Variants in ZCCHC7 observed in about 807,000 individuals in gnomAD.
The protein encoded by ZCCHC7 is zinc finger CCHC-type containing 7.
Under a neutral mutation model 52.0 loss-of-function variants are expected in ZCCHC7, and 35 were observed. The ratio of observed to expected loss-of-function variants is 0.67; its 90% CI spans 0.51 to 0.89. The LOEUF (loss-of-function observed/expected upper bound fraction) is 0.89. Among genes scored for constraint, ZCCHC7 ranks in the 40% least tolerant of loss-of-function variants. ZCCHC7 has a pLI of 0.00. For missense variants in ZCCHC7, 574 were observed against 649.1 expected (o/e 0.88, Z 1.26); for synonymous variants, 217 against 221.5 (o/e 0.98, Z 0.18).
At chr9:37,207,631 C>T (rs1311701848) in intron 2 of ZCCHC7, among the ~76,000 whole-genome samples, 7 of 149,428 alleles carry the variant, frequency 4.7e-5, no homozygotes, top group African/African-American at 1.5e-4. Context: ...TTATGATGCT[C>T]TGTTTAAAAC....
chr9:37,205,547 C>T (rs547613528), intron 2 of ZCCHC7, among the ~76,000 whole-genome samples: 11 of 152,186 alleles, frequency 7.2e-5, no homozygotes, highest in South Asian at 4.1e-4. Context: ...GACGGAGTCT[C>T]GCTCAGTCGC....
At chr9:37,193,835 C>T (rs1823144514) in intron 2 of ZCCHC7, among the ~76,000 whole-genome samples, 1 of 152,142 alleles carries the variant, frequency 6.6e-6, no homozygotes, top group African/African-American at 2.4e-5. Flanking sequence ...TTTCTTTCTC[C>T]CTCTTTCCTA....
rs192510900 is a variant in ZCCHC7, at chr9:37,122,902, A to C, written c.-22+2279A>C. Among the ~76,000 whole-genome samples, 61 of 152,332 alleles carry C rather than the reference A, an allele frequency of 4.0e-4. No individual in the cohort carries two copies. The East Asian group carries it at 0.011, about 27-fold the overall frequency. ...CAGTGAGCCGAGATTGCGCCACTGC[A>C]CTCTCACCTGGGGGACAGAACGAGA... On this transcript the variant is annotated intron_variant, in intron 1 of 8. Coordinates refer to ENST00000336755, the MANE Select transcript of ZCCHC7 (RefSeq NM_032226.3).
chr9:37,252,087 T>C (rs976999669), intron 2 of ZCCHC7, among the ~76,000 whole-genome samples: 1 of 152,196 alleles, frequency 6.6e-6, no homozygotes, highest in African/African-American at 2.4e-5. Context: ...TATGGTTTGG[T>C]ATAAACTATA....
At chr9:37,148,352 G>A (rs1843532177) in intron 2 of ZCCHC7, among the ~76,000 whole-genome samples, 1 of 152,086 alleles carries the variant, frequency 6.6e-6, no homozygotes, top group Non-Finnish European at 1.5e-5. Context: ...GTCATGGGGT[G>A]CAGGAGAGGA....
chr9:37,202,732 T>C (rs1823701917), intron 2 of ZCCHC7, among the ~76,000 whole-genome samples: 2 of 152,246 alleles, frequency 1.3e-5, no homozygotes, highest in African/African-American at 4.8e-5. Flanking sequence ...TCCTCCTGCC[T>C]TGGCCTTCCA....
chr9:37,190,861 A>C (rs1822980992), intron 2 of ZCCHC7, among the ~76,000 whole-genome samples: 2 of 152,086 alleles, frequency 1.3e-5, no homozygotes. Context: ...TCTACTAAAA[A>C]AAAATACCAA....
At chr9:37,267,770 C>T (rs983795843) in intron 2 of ZCCHC7, among the ~76,000 whole-genome samples, 6 of 151,888 alleles carry the variant, frequency 4.0e-5, no homozygotes, top group Non-Finnish European at 5.9e-5. Context: ...GGGGTTTCAC[C>T]GTGTTAGCCA....
intron 6 of ZCCHC7, among the ~76,000 whole-genome samples, chr9:37,338,975 G>C (rs887115756): frequency 6.6e-6 from 1 of 152,102 alleles, no homozygotes; most frequent in African/African-American, 2.4e-5. Context: ...CATAATACAT[G>C]TTTCAAAAAT....
chr9:37,209,335 T>G (rs979704652), intron 2 of ZCCHC7, among the ~76,000 whole-genome samples: 1 of 152,126 alleles, frequency 6.6e-6, no homozygotes, highest in Non-Finnish European at 1.5e-5. Context: ...CCACCACGCC[T>G]GGCCATTTTT....
Position 37,357,361 on chromosome 9 carries a change from T to C in ZCCHC7, c.*93T>C. On this transcript the variant is annotated 3_prime_UTR_variant, in exon 9 of 9. Transcript: ENST00000336755. ...ACTGTGTTTATTATCTATGATTAAA[T>C]AAAGTGAGTTTTTGGTTTTGTTTTT... 1 of 1,258,630 alleles carries C rather than the reference T, an allele frequency of 7.9e-7. No individual in the cohort carries two copies. The highest frequency in any genetic ancestry group is 1.1e-6 in the Non-Finnish European group (1 of 936,706). The allele number at this position is 1,258,630 out of a possible 1,614,324, so 78.0% of individuals were successfully genotyped here.
chr9:37,123,971 GTTTA>G (rs748177348), intron 1 of ZCCHC7, among the ~76,000 whole-genome samples: 6 of 151,944 alleles, frequency 3.9e-5, no homozygotes, highest in Middle Eastern at 3.2e-3. Flanking sequence ...TTACAGGTGG[GTTTA>G]TTTGTTTCTG....
chr9:37,301,634 C>T (rs936961836), intron 2 of ZCCHC7, among the ~76,000 whole-genome samples: 1 of 152,096 alleles, frequency 6.6e-6, no homozygotes, highest in Non-Finnish European at 1.5e-5. Context: ...TATATACCAA[C>T]TTAACAAGAG....
rs79450435 is a variant in ZCCHC7 at position 37,197,839 on chromosome 9, A to C, written c.610+70897A>C. 5.5e-3 allele frequency among the ~76,000 whole-genome samples: 839 copies of C among 152,318 alleles called. 7 individuals carry two copies. The highest frequency in any genetic ancestry group is 0.019 in the African/African-American group (779 of 41,556). On this transcript the variant is annotated intron_variant, in intron 2 of 8. Transcript: ENST00000336755. ...GGTTGTCTCTTTGGCATAGCAGCCAAATATTCTGAAGTGAAATTGTGGATA... is the reference window on the plus strand; with the variant it reads ...GGTTGTCTCTTTGGCATAGCAGCCACATATTCTGAAGTGAAATTGTGGATA...
At chr9:37,194,940 CTT>C (rs1823210047) in intron 2 of ZCCHC7, among the ~76,000 whole-genome samples, 1 of 146,182 alleles carries the variant, frequency 6.8e-6, no homozygotes, top group South Asian at 2.1e-4. Context: ...CTTGGATTCT[CTT>C]TTTTCTTTTT....
At chr9:37,190,755 C>T (rs541688797) in intron 2 of ZCCHC7, among the ~76,000 whole-genome samples, 4 of 152,242 alleles carry the variant, frequency 2.6e-5, no homozygotes, top group Admixed American at 2.0e-4. Flanking sequence ...CGGTGGCTCA[C>T]GCCTGTAAAT....
At chr9:37,315,803 T>C (rs1829791482) in intron 5 of ZCCHC7, among the ~76,000 whole-genome samples, 2 of 110,568 alleles carry the variant, frequency 1.8e-5, no homozygotes, top group African/African-American at 3.4e-5. Flanking sequence ...TCATCCCTGG[T>C]TTAGGGATGC....
intron 2 of ZCCHC7, among the ~76,000 whole-genome samples, chr9:37,285,448 ATTC>A (rs941225142): frequency 2.6e-5 from 4 of 151,406 alleles, no homozygotes; most frequent in Middle Eastern, 3.2e-3. Context: ...CTTTTGTTCT[ATTC>A]TTCTTCGTCT....
intron 5 of ZCCHC7, among the ~76,000 whole-genome samples, chr9:37,308,831 A>G (rs1220488994): frequency 6.6e-6 from 1 of 152,064 alleles, no homozygotes; most frequent in Non-Finnish European, 1.5e-5. Flanking sequence ...AAATACAAAA[A>G]TTAGCTGGGC....
Sources: allele counts gnomAD v4.1 joint callset (sites outside exome capture counted in the v4.1 genomes callset), GRCh38; gene constraint gnomAD v4.1.1; transcripts MANE v1.5; gene names NCBI Gene and HGNC (gene_info 2026-07-23, HGNC 2026-07-21).